The following NEDD9 variants were observed in gnomAD, a reference collection of about 807,000 sequenced individuals.
NEDD9 encodes enhancer of filamentation 1.
Under a neutral mutation model 76.6 loss-of-function variants are expected in NEDD9, and 26 were observed. The observed-to-expected ratio is 0.34, with a 90% CI of 0.25 to 0.47. NEDD9 has a LOEUF of 0.47. Ranked by LOEUF, NEDD9 falls within the 20% of genes least tolerant of loss-of-function variation. NEDD9 has a pLI of 1.00. For synonymous variants in NEDD9, 392 were observed against 414.2 expected, an observed-to-expected ratio of 0.95 and a Z score of 0.65; for missense variants, 937 against 1,058.5, an observed-to-expected ratio of 0.89 and a Z score of 1.59.
chr6:11,324,079 G>C (rs563784840), intron 2 of NEDD9, among the ~76,000 whole-genome samples: 2 of 152,166 alleles, frequency 1.3e-5, no homozygotes, highest in Non-Finnish European at 2.9e-5. Context: ...CAAGGATGCC[G>C]GGGAGGGCAC....
At chr6:11,371,105 A>T (rs766907653) in intron 1 of NEDD9, among the ~76,000 whole-genome samples, 5 of 152,082 alleles carry the variant, frequency 3.3e-5, no homozygotes, top group Non-Finnish European at 5.9e-5. Context: ...AGCTCCTTTT[A>T]AAAAAAGACT....
chr6:11,286,697 CTGAGTA>C (rs1290463143), intron 3 of NEDD9, among the ~76,000 whole-genome samples: 2 of 152,130 alleles, frequency 1.3e-5, no homozygotes, highest in Non-Finnish European at 1.5e-5. Flanking sequence ...AGTAACTATT[CTGAGTA>C]TAAGAAGCCA....
chr6:11,377,989 C>A (rs1006603393), intron 1 of NEDD9, among the ~76,000 whole-genome samples: 1 of 152,104 alleles, frequency 6.6e-6, no homozygotes, highest in African/African-American at 2.4e-5. Context: ...ATGCCTGTAA[C>A]CCCAGCACTT....
intron 1 of NEDD9, among the ~76,000 whole-genome samples, chr6:11,378,896 G>C (rs1164893071): frequency 6.6e-6 from 1 of 152,232 alleles, no homozygotes; most frequent in South Asian, 2.1e-4. Context: ...TTACATCGGA[G>C]CCTCATGGAT....
intron 3 of NEDD9, among the ~76,000 whole-genome samples, chr6:11,285,721 A>G (rs2113366452): frequency 1.3e-5 from 2 of 152,358 alleles, no homozygotes; most frequent in African/African-American, 4.8e-5. Flanking sequence ...TATATGGACA[A>G]CTGACTTTTG....
intron 3 of NEDD9, among the ~76,000 whole-genome samples, chr6:11,265,355 A>G (rs769574459): frequency 2.0e-5 from 3 of 152,262 alleles, no homozygotes. Context: ...TGAAGATTTC[A>G]GATGAGTTTT....
At position 11,363,738 on chromosome 6, in the gene NEDD9, C is replaced by G. The variant is rs79386613; in HGVS notation, c.-214+18401G>C. The stretch of plus-strand genomic sequence containing the variant: ...GGGTGATGTGAATAGATGCATGAAC[C>G]TTTTTTGGGGATATGTGAATTCAGA... On this transcript the variant is annotated intron_variant, in intron 1 of 3. Coordinates refer to the NEDD9 transcript ENST00000397378. Among the ~76,000 whole-genome samples, 1,406 of 152,188 alleles carry G rather than the reference C, an allele frequency of 9.2e-3. 40 individuals are homozygous for G. The highest frequency in any genetic ancestry group is 0.082 in the East Asian group (423 of 5,184).
intron 1 of NEDD9, among the ~76,000 whole-genome samples, chr6:11,217,720 G>T (rs1040114236): frequency 6.6e-6 from 1 of 152,244 alleles, no homozygotes; most frequent in Non-Finnish European, 1.5e-5. Flanking sequence ...CAGGCCTCTT[G>T]TCTTCAGGTC....
chr6:11,348,747 T>C (rs1762409173), intron 1 of NEDD9, among the ~76,000 whole-genome samples: 1 of 152,172 alleles, frequency 6.6e-6, no homozygotes, highest in Admixed American at 6.5e-5. Context: ...CTGGATCCCT[T>C]CCTTATACTA....
rs764125695 is a variant in NEDD9 at position 11,185,269 on chromosome 6, G to A, written c.2398C>T (p.His800Tyr). The change falls in exon 7 of 7, where the codon CAT (histidine) becomes TAT (tyrosine). Residue 800 changes from histidine (H) to tyrosine (Y), a missense_variant. Coordinates refer to ENST00000379446, the MANE Select transcript of NEDD9 (RefSeq NM_006403.4). Reference sequence around the variant, plus strand: ...TGCAGGGCCGTGGTGCTGGGGTAATGGAGGGCGGCCATCTTGGTTGCCATG... The same window carrying A: ...TGCAGGGCCGTGGTGCTGGGGTAATAGAGGGCGGCCATCTTGGTTGCCATG... The part of the protein sequence containing the change: ...IVMATKMAAL[H>Y]YPSTTALQEM... 15 of 1,614,020 alleles carry A rather than the reference G, an allele frequency of 9.3e-6. No homozygotes were observed. Among genetic ancestry groups the A allele is most frequent in the Middle Eastern group, 1.6e-4 (1 of 6,084 alleles).
Position 11,358,206 on chromosome 6 carries a change from G to A in NEDD9, c.-213-23645C>T, listed in dbSNP as rs549258417. On this transcript the variant is annotated intron_variant, in intron 1 of 3. Coordinates refer to the NEDD9 transcript ENST00000397378. ...GGAGGTTGCAGTGAGCTGAGATCAC[G>A]CCACTGCACTCCCAGCCTGGCGACA... is the stretch of plus-strand genomic sequence containing the variant. Among the ~76,000 whole-genome samples, 36 of 120,900 alleles carry A rather than the reference G, an allele frequency of 3.0e-4. No individual in the cohort carries two copies. The South Asian group carries it at 8.7e-3, about 29-fold the overall frequency. The allele number at this position is 120,900 out of a possible 152,430, so 79.3% of individuals were successfully genotyped here. A position where few individuals can be genotyped will look rare whatever the true frequency, so the allele number is the denominator to read the frequency against.
At chr6:11,278,596 T>C (rs990481684) in intron 3 of NEDD9, among the ~76,000 whole-genome samples, 3 of 152,194 alleles carry the variant, frequency 2.0e-5, no homozygotes, top group Admixed American at 6.5e-5. Flanking sequence ...CTAAAGCTTA[T>C]TTGTAGGAAA....
At chr6:11,232,317 G>C (rs185808095) in intron 1 of NEDD9, among the ~76,000 whole-genome samples, 187 bp downstream of exon 1, 1 of 152,008 alleles carries the variant, frequency 6.6e-6, no homozygotes, top group African/African-American at 2.4e-5. Context: ...TGAACCCCTG[G>C]AGTGGGTCTC....
chr6:11,246,806 C>T (rs565625526), intron 3 of NEDD9, among the ~76,000 whole-genome samples: 23 of 152,298 alleles, frequency 1.5e-4, no homozygotes, highest in African/African-American at 5.5e-4. Flanking sequence ...GGAAAGGCTG[C>T]AAAGGCTGGG....
intron 3 of NEDD9, among the ~76,000 whole-genome samples, chr6:11,239,911 G>T (rs1759676561): frequency 6.6e-6 from 1 of 151,906 alleles, no homozygotes; most frequent in Non-Finnish European, 1.5e-5. Context: ...GGGCATGGTG[G>T]TGCACACCTG....
chr6:11,264,827 A>G (rs1760175137), intron 3 of NEDD9, among the ~76,000 whole-genome samples: 1 of 151,948 alleles, frequency 6.6e-6, no homozygotes, highest in African/African-American at 2.4e-5. Flanking sequence ...TTTAAAAATA[A>G]CAATAACTTC....
At chr6:11,274,616 A>G (rs1394068956) in intron 3 of NEDD9, among the ~76,000 whole-genome samples, 1 of 152,192 alleles carries the variant, frequency 6.6e-6, no homozygotes, top group Non-Finnish European at 1.5e-5. Flanking sequence ...TGCTGTACTC[A>G]CTGTACCAAG....
chr6:11,210,263 C>T (rs73445010), intron 2 of NEDD9, among the ~76,000 whole-genome samples: 1,649 of 152,246 alleles, frequency 0.011, 33 homozygotes, highest in African/African-American at 0.037. Context: ...TGGGAATCTG[C>T]ATTTAAACTC....
intron 4 of NEDD9, 102 bp downstream of exon 4, chr6:11,192,243 T>G: frequency 1.5e-6 from 1 of 686,252 alleles, no homozygotes; most frequent in Non-Finnish European, 2.3e-6. Context: ...CCTTTCTTGT[T>G]TTATTCGAGT....
Sources: gnomAD v4.1 joint callset for allele counts (sites outside exome capture counted in the v4.1 genomes callset) on GRCh38, gnomAD v4.1.1 for gene constraint, MANE v1.5 for transcripts, NCBI Gene and HGNC (gene_info 2026-07-23, HGNC 2026-07-21) for gene names.